KSR1: variants seen among roughly 807,000 people sequenced by gnomAD.
The protein encoded by KSR1 is kinase suppressor of ras 1.
In KSR1, 35 loss-of-function variants were observed where a neutral mutation model predicts 92.9. The observed-to-expected ratio is 0.38, with a 90% CI of 0.29 to 0.50. The LOEUF is 0.50. KSR1 is among the 20% of genes least tolerant of loss of function. KSR1 has a pLI of 0.94. For synonymous variants in KSR1, 467 were observed against 472.6 expected, an observed-to-expected ratio of 0.99 and a Z score of 0.15; for missense variants, 972 against 1,158.5, an observed-to-expected ratio of 0.84 and a Z score of 2.34.
intron 2 of KSR1, among the ~76,000 whole-genome samples, chr17:27,569,365 G>A (rs902326730): frequency 6.6e-6 from 1 of 152,210 alleles, no homozygotes. Flanking sequence ...TGATGATGCA[G>A]AGAAAGGTGA....
At chr17:27,465,267 T>C (rs1597822649) in intron 1 of KSR1, 1 of 152,214 alleles carries the variant, frequency 6.6e-6, no homozygotes, top group Admixed American at 6.5e-5. Context: ...TGGGCAGTAG[T>C]GTGTTTTAAC....
chr17:27,564,784 T>G (rs1567833296), intron 2 of KSR1, among the ~76,000 whole-genome samples: 1 of 122,040 alleles, frequency 8.2e-6, no homozygotes, highest in Non-Finnish European at 1.6e-5. Context: ...GGAAATGGGT[T>G]CTTGGAGGAA....
At chr17:27,594,668 C>G (rs184172608) in intron 9 of KSR1, among the ~76,000 whole-genome samples, 35 of 152,320 alleles carry the variant, frequency 2.3e-4, no homozygotes, top group Admixed American at 8.5e-4. Context: ...ACTGAGTTCT[C>G]ACTAGGGGCC....
intron 1 of KSR1, among the ~76,000 whole-genome samples, chr17:27,536,542 TGAG>T (rs1400176286): frequency 2.0e-5 from 3 of 152,222 alleles, no homozygotes; most frequent in Non-Finnish European, 4.4e-5. Flanking sequence ...GTTTCCAGAA[TGAG>T]GATCGTTCAG....
At chr17:27,552,867 T>C (rs1172586988) in intron 2 of KSR1, among the ~76,000 whole-genome samples, 1 of 152,192 alleles carries the variant, frequency 6.6e-6, no homozygotes, top group African/African-American at 2.4e-5. Context: ...ACATAGCACA[T>C]CTGGCGTGTC....
At chr17:27,522,412 A>G (rs1196947308) in intron 1 of KSR1, among the ~76,000 whole-genome samples, 3 of 152,138 alleles carry the variant, frequency 2.0e-5, no homozygotes, top group Admixed American at 1.3e-4. Flanking sequence ...TCCAGTATAC[A>G]TGTCACAGCT....
chr17:27,604,013 C>T, intron 12 of KSR1, 125 bp downstream of exon 12: 1 of 923,260 alleles, frequency 1.1e-6, no homozygotes, highest in Admixed American at 2.0e-5. Context: ...ACTCCCTGGG[C>T]TCATTCACCC....
chr17:27,581,936 A>C (rs1369906665), intron 3 of KSR1, among the ~76,000 whole-genome samples: 2 of 152,072 alleles, frequency 1.3e-5, no homozygotes, highest in Non-Finnish European at 2.9e-5. Flanking sequence ...ATCTTTTTTC[A>C]CAAGCCCCAG....
chr17:27,609,407 C>T, intron 16 of KSR1, 78 bp downstream of exon 16: 1 of 1,561,230 alleles, frequency 6.4e-7, no homozygotes, highest in Non-Finnish European at 8.8e-7. Context: ...GGCACTTTCA[C>T]TGTTTGTTGC....
intron 1 of KSR1, among the ~76,000 whole-genome samples, chr17:27,525,163 G>A (rs1455389469): frequency 2.0e-5 from 3 of 152,236 alleles, no homozygotes; most frequent in Non-Finnish European, 4.4e-5. Context: ...AGACCTGGGA[G>A]CCAGGTGGCC....
At chr17:27,588,382 C>G in intron 5 of KSR1, 93 bp from the exon 6 acceptor site, 1 of 1,139,804 alleles carries the variant, frequency 8.8e-7, no homozygotes, top group South Asian at 1.6e-5. Flanking sequence ...TTGCGCCCCC[C>G]TCTAGCCTGT....
chr17:27,583,649 T>G (rs2072861036), intron 4 of KSR1, among the ~76,000 whole-genome samples: 1 of 152,254 alleles, frequency 6.6e-6, no homozygotes, highest in Admixed American at 6.5e-5. Context: ...CTGGAATATT[T>G]GGCAGAAACC....
chr17:27,560,421 C>T (rs752259593), intron 2 of KSR1: 3 of 518,956 alleles, frequency 5.8e-6, no homozygotes, highest in African/African-American at 5.8e-5. Flanking sequence ...GCTCTTACTG[C>T]TGGTGGTTCC....
intron 4 of KSR1, among the ~76,000 whole-genome samples, chr17:27,583,606 G>A (rs544857346): frequency 6.6e-6 from 1 of 152,346 alleles, no homozygotes; most frequent in East Asian, 1.9e-4. Flanking sequence ...GAATGAAACA[G>A]TGCTCTTTGC....
At chr17:27,545,193 G>A (rs1208851416) in intron 1 of KSR1, among the ~76,000 whole-genome samples, 1 of 152,158 alleles carries the variant, frequency 6.6e-6, no homozygotes, top group Non-Finnish European at 1.5e-5. Flanking sequence ...TGTCTAGCGG[G>A]GATCTCTACC....
chr17:27,620,257 T>C (rs1455995171), intron 19 of KSR1, among the ~76,000 whole-genome samples: 1 of 152,130 alleles, frequency 6.6e-6, no homozygotes, highest in African/African-American at 2.4e-5. Flanking sequence ...ATCGTAGCCA[T>C]AGAGGTATAC....
chr17:27,623,296 T>C lies in KSR1; in HGVS notation c.2709-18T>C. The C allele has an allele frequency of 2.6e-6, 2 of 762,914 alleles. No homozygotes were observed. The highest frequency in any genetic ancestry group is 4.8e-6 in the Non-Finnish European group (2 of 416,798). The allele number at this position is 762,914 out of a possible 1,614,324, so 47.3% of individuals were successfully genotyped here. On this transcript the variant is annotated intron_variant, in intron 20 of 20. Transcript: ENST00000644974. ...AGATCAATGGGGCTATAATTCTTGT[T>C]TTTGTTCCTCTTTGCAGCATTAACA...
At chr17:27,517,769 T>C (rs1037472093) in intron 1 of KSR1, among the ~76,000 whole-genome samples, 1 of 152,230 alleles carries the variant, frequency 6.6e-6, no homozygotes, top group Non-Finnish European at 1.5e-5. Flanking sequence ...GGCCCACTTC[T>C]GTATTGTAAG....
intron 1 of KSR1, among the ~76,000 whole-genome samples, chr17:27,549,393 G>C (rs2071309944): frequency 6.6e-6 from 1 of 152,186 alleles, no homozygotes; most frequent in South Asian, 2.1e-4. Flanking sequence ...GAGCCTAACT[G>C]GCCTCTGTTG....
Sources: gnomAD v4.1 joint callset for allele counts (sites outside exome capture counted in the v4.1 genomes callset) on GRCh38, gnomAD v4.1.1 for gene constraint, MANE v1.5 for transcripts, NCBI Gene and HGNC (gene_info 2026-07-23, HGNC 2026-07-21) for gene names.